Variants in CILK1 observed in about 807,000 individuals in gnomAD.
The protein encoded by CILK1 is serine/threonine-protein kinase ICK.
CILK1 carries 47 observed loss-of-function variants against 79.2 expected under a neutral mutation model. The observed-to-expected ratio is 0.59, with a 90% CI of 0.47 to 0.76. CILK1 has a LOEUF of 0.76. Among genes scored for constraint, CILK1 ranks in the 30% least tolerant of loss-of-function variants. CILK1 has a pLI of 0.00. For missense variants in CILK1, 660 were observed against 769.5 expected (o/e 0.86, Z 1.68); for synonymous variants, 266 against 275.9 (o/e 0.96, Z 0.36).
At chr6:53,057,353 T>C (rs1479939045) in intron 1 of CILK1, among the ~76,000 whole-genome samples, 1 of 152,184 alleles carries the variant, frequency 6.6e-6, no homozygotes, top group East Asian at 1.9e-4. Context: ...TCGTTATACA[T>C]TTATTAAGTG....
Position 53,056,341 on chromosome 6 carries a change from T to C in CILK1, c.-173+5255A>G, listed in dbSNP as rs559202288. Among the ~76,000 whole-genome samples the C allele has an allele frequency of 9.8e-5, 15 of 152,314 alleles. No homozygotes were observed. In the East Asian group the frequency reaches 2.1e-3, roughly 21 times the overall value. On this transcript the variant is annotated intron_variant, in intron 1 of 13. Transcript: ENST00000676107. ...GGCAGGGATAAGCACGTTTTTTCTGTGAAGGGTCAGTAAACAGGATAGGCT... is the reference window on the plus strand; with the variant it reads ...GGCAGGGATAAGCACGTTTTTTCTGCGAAGGGTCAGTAAACAGGATAGGCT...
At position 53,001,734 on chromosome 6, in the gene CILK1, C is replaced by T. The variant is rs928875746; in HGVS notation, c.*3415G>A. 6.6e-6 allele frequency: 1 copy of T among 152,634 alleles called. No individual in the cohort carries two copies. The highest frequency in any genetic ancestry group is 1.5e-5 in the Non-Finnish European group (1 of 68,034). The allele number at this position is 152,634 out of a possible 1,614,324, so 9.5% of individuals were successfully genotyped here. On this transcript the variant is annotated 3_prime_UTR_variant, in exon 14 of 14. Transcript: ENST00000676107. The stretch of plus-strand genomic sequence containing the variant: ...TTTGGAAATCGTAAAAATAATTCTA[C>T]AAATTAGCTCCATATATTATGTTGC...
At chr6:53,008,476 A>C (rs1196256035) in intron 12 of CILK1, among the ~76,000 whole-genome samples, 1 of 150,396 alleles carries the variant, frequency 6.6e-6, no homozygotes, top group Non-Finnish European at 1.5e-5. Flanking sequence ...CCCAGGTTGG[A>C]GTGCAGTGGC....
In CILK1 at chr6:53,013,721, G is replaced by A; in HGVS notation, c.1093C>T (p.Gln365Ter). ...VSRTDHPSHL[Q>*]EDKPSPLLFP... ...AGCAACGGGCTTGGCTTGTCCTCCT[G>A]GAGATGGCTTGGGTGATCTGTCCTG... The change falls in exon 9 of 14, where the codon CAG becomes TAG. Residue 365 changes from glutamine (Q) to a stop codon, truncating the protein, a stop_gained. Coordinates refer to ENST00000676107, the MANE Select transcript of CILK1 (RefSeq NM_014920.5). LOFTEE classifies it high-confidence loss of function. 1.2e-6 allele frequency: 2 copies of A among 1,614,192 alleles called. No individual in the cohort carries two copies. The highest frequency in any genetic ancestry group is 1.7e-6 in the Non-Finnish European group (2 of 1,180,030).
At chr6:53,058,255 T>C (rs1258404045) in intron 1 of CILK1, among the ~76,000 whole-genome samples, 1 of 152,184 alleles carries the variant, frequency 6.6e-6, no homozygotes, top group Non-Finnish European at 1.5e-5. Flanking sequence ...TGAATGAAGA[T>C]GCCCATATCA....
chr6:53,057,599 TA>T (rs34070324), intron 1 of CILK1, among the ~76,000 whole-genome samples: 112,840 of 152,106 alleles, frequency 0.74, 42,647 homozygotes, highest in South Asian at 0.9. Context: ...TGAGCTTATT[TA>T]AAGATAAAAT....
intron 1 of CILK1, among the ~76,000 whole-genome samples, chr6:53,058,443 T>C (rs1233511539): frequency 1.3e-5 from 2 of 152,184 alleles, no homozygotes; most frequent in East Asian, 3.9e-4. Flanking sequence ...CTAGAACACA[T>C]GTGCTTTTAT....
intron 3 of CILK1, among the ~76,000 whole-genome samples, chr6:53,034,894 G>A (rs1766205476): frequency 6.6e-6 from 1 of 152,178 alleles, no homozygotes; most frequent in South Asian, 2.1e-4. Flanking sequence ...GGATGAGCTT[G>A]CTGGGAGGGA....
chr6:53,033,312 C>A (rs981966243), intron 3 of CILK1, among the ~76,000 whole-genome samples: 4 of 152,128 alleles, frequency 2.6e-5, no homozygotes, highest in African/African-American at 4.8e-5. Flanking sequence ...GAGAGGGTGG[C>A]TCAGAAAATG....
At chr6:53,017,728 G>A (rs1764974476) in intron 7 of CILK1, among the ~76,000 whole-genome samples, 1 of 152,128 alleles carries the variant, frequency 6.6e-6, no homozygotes, top group African/African-American at 2.4e-5. Flanking sequence ...GGACTTGAAG[G>A]AACAAGAGCC....
At chr6:53,008,474 G>C (rs185691781) in intron 12 of CILK1, among the ~76,000 whole-genome samples, 43 of 150,280 alleles carry the variant, frequency 2.9e-4, no homozygotes, top group African/African-American at 1.0e-3. Context: ...CACCCAGGTT[G>C]GAGTGCAGTG....
intron 5 of CILK1, among the ~76,000 whole-genome samples, chr6:53,030,749 A>G (rs1339006477): frequency 6.6e-6 from 1 of 152,242 alleles, no homozygotes. Context: ...AACATAATAC[A>G]TGAAACTGCT....
At chr6:53,014,347 A>C (rs1656739056) in intron 8 of CILK1, among the ~76,000 whole-genome samples, 1 of 152,312 alleles carries the variant, frequency 6.6e-6, no homozygotes, top group East Asian at 1.9e-4. Context: ...AAGAAGAAAA[A>C]AATAATACAA....
chr6:53,058,193 G>A (rs1287325050), intron 1 of CILK1, among the ~76,000 whole-genome samples: 1 of 152,154 alleles, frequency 6.6e-6, no homozygotes, highest in Non-Finnish European at 1.5e-5. Flanking sequence ...AAAACCTGTT[G>A]AGTAGTAGTT....
chr6:53,040,345 C>T (rs1261137067), intron 2 of CILK1, among the ~76,000 whole-genome samples: 1 of 152,234 alleles, frequency 6.6e-6, no homozygotes, highest in Admixed American at 6.5e-5. Flanking sequence ...TCATTGCCTT[C>T]TTGACTCCCA....
At chr6:53,038,222 C>T (rs888414008) in intron 2 of CILK1, among the ~76,000 whole-genome samples, 2 of 152,126 alleles carry the variant, frequency 1.3e-5, no homozygotes, top group Non-Finnish European at 2.9e-5. Context: ...TCCAAAGAGG[C>T]CTGGACTGCT....
At chr6:53,018,969 G>C (rs1045875920) in intron 6 of CILK1, among the ~76,000 whole-genome samples, 4 of 152,154 alleles carry the variant, frequency 2.6e-5, no homozygotes, top group African/African-American at 9.7e-5. Context: ...TAATTCTTTT[G>C]TTAAGCTGTC....
At chr6:53,053,997 A>G (rs78227813) in intron 1 of CILK1, among the ~76,000 whole-genome samples, 3 of 149,826 alleles carry the variant, frequency 2.0e-5, no homozygotes, top group Admixed American at 6.7e-5. Context: ...TTTGTCTAAG[A>G]AAAAAAAAAG....
chr6:53,060,510 C>T (rs1315976457), intron 1 of CILK1, among the ~76,000 whole-genome samples: 1 of 152,138 alleles, frequency 6.6e-6, no homozygotes, highest in African/African-American at 2.4e-5. Flanking sequence ...GGAATGGTAC[C>T]GGATGTCATT....
Sources: gnomAD v4.1 joint callset for allele counts (sites outside exome capture counted in the v4.1 genomes callset) on GRCh38, gnomAD v4.1.1 for gene constraint, MANE v1.5 for transcripts, NCBI Gene and HGNC (gene_info 2026-07-23, HGNC 2026-07-21) for gene names.